Variants in LHFPL2 observed in about 807,000 individuals in gnomAD.
LHFPL2 encodes the protein LHFPL tetraspan subfamily member 2 protein.
In LHFPL2, 7 loss-of-function variants were observed where a neutral mutation model predicts 17.5. That is an observed-to-expected ratio of 0.40 (90% CI 0.23 to 0.75). The LOEUF (loss-of-function observed/expected upper bound fraction) is 0.75. Ranked by LOEUF, LHFPL2 falls within the 30% of genes least tolerant of loss-of-function variation. The pLI is 0.37. For missense variants in LHFPL2, 241 were observed against 294.8 expected (o/e 0.82, Z 1.34); for synonymous variants, 134 against 116.2 (o/e 1.15, Z -0.99).
chr5:78,515,620 T>C (rs1004476741), intron 3 of LHFPL2, among the ~76,000 whole-genome samples: 2 of 152,210 alleles, frequency 1.3e-5, no homozygotes, highest in African/African-American at 4.8e-5. Flanking sequence ...TGTTGCTTCT[T>C]AAAGTGTGGG....
intron 2 of LHFPL2, among the ~76,000 whole-genome samples, chr5:78,603,672 G>C (rs1744106857): frequency 7.3e-6 from 1 of 136,972 alleles, no homozygotes; most frequent in South Asian, 2.6e-4. Context: ...TTGAGCCCAA[G>C]AGTTCAAGAC....
intron 3 of LHFPL2, among the ~76,000 whole-genome samples, chr5:78,558,868 T>TC (rs960650091): frequency 6.6e-6 from 1 of 152,166 alleles, no homozygotes; most frequent in Admixed American, 6.5e-5. Context: ...TGACTTTTTT[T>TC]CCCACTGCTC....
intron 3 of LHFPL2, among the ~76,000 whole-genome samples, chr5:78,562,540 CAGA>C (rs1756755840): frequency 6.6e-6 from 1 of 150,772 alleles, no homozygotes; most frequent in African/African-American, 2.4e-5. Flanking sequence ...GAGGCTGAGG[CAGA>C]AGAACTACTT....
rs879911121 is a variant in LHFPL2 at position 78,648,662 on chromosome 5, A to AG, written c.-514dup. On this transcript the variant is annotated 5_prime_UTR_variant, in exon 1 of 5. Coordinates refer to ENST00000380345, the MANE Select transcript of LHFPL2 (RefSeq NM_005779.3). This position sits in a 1 kb window ranked among gnomAD's most constrained non-coding sequence, Gnocchi z 5.4. The stretch of plus-strand genomic sequence containing the variant: ...GGAGAGCGGGAGGAGGCGGCGGGAG[A>AG]GGGGGGCAACGCAAGGGAGGGGAGA... 2 of 149,666 alleles carry AG rather than the reference A, an allele frequency of 1.3e-5. No homozygotes were observed. Among genetic ancestry groups the AG allele is most frequent in the Non-Finnish European group, 3.0e-5 (2 of 67,480 alleles). 9.3% of individuals were successfully genotyped at this position (149,666 alleles called of 1,614,324 possible).
At chr5:78,594,275 G>A (rs1743751574) in intron 2 of LHFPL2, among the ~76,000 whole-genome samples, 1 of 152,198 alleles carries the variant, frequency 6.6e-6, no homozygotes, top group Admixed American at 6.5e-5. Context: ...ATTTTTAGGG[G>A]GAGAGGCAGC....
chr5:78,509,785 T>C lies in LHFPL2; in HGVS notation c.429A>G (p.Ala143=). Residue 143 remains alanine, a splice_region_variant and synonymous_variant, in exon 4 of 5, where the codon GCA becomes GCG. Transcript: ENST00000380345. ...GTGCCCGGGGTCCTGCCTTCTTACC[T>C]GCAATTCCTTGCAACAGCCCACAGA... ...FNVCGLLQGI[A]GLFLILGLIL... 1.2e-6 allele frequency: 2 copies of C among 1,608,748 alleles called. No homozygotes were observed. Among genetic ancestry groups the C allele is most frequent in the Non-Finnish European group, 1.7e-6 (2 of 1,175,570 alleles).
At chr5:78,631,600 GT>G (rs1745250163) in intron 2 of LHFPL2, among the ~76,000 whole-genome samples, 1 of 152,202 alleles carries the variant, frequency 6.6e-6, no homozygotes, top group Admixed American at 6.5e-5. Flanking sequence ...GCAAAAAAAG[GT>G]TACACTCTGA....
chr5:78,504,937 C>G (rs1754888046), intron 4 of LHFPL2, among the ~76,000 whole-genome samples: 1 of 152,214 alleles, frequency 6.6e-6, no homozygotes, highest in Non-Finnish European at 1.5e-5. Context: ...AGTGTGAGAG[C>G]CAGCCCAGCA....
intron 1 of LHFPL2, among the ~76,000 whole-genome samples, chr5:78,647,897 G>T (rs115831873): frequency 0.013 from 2,024 of 150,954 alleles, 46 homozygotes; most frequent in African/African-American, 0.046. Context: ...CCTTTGCCCA[G>T]CCCGTGGGCT....
intron 1 of LHFPL2, among the ~76,000 whole-genome samples, chr5:78,638,070 A>C (rs1745520080): frequency 6.6e-6 from 1 of 152,182 alleles, no homozygotes; most frequent in Admixed American, 6.5e-5. Context: ...AGGAGGCAAT[A>C]AGGGCCGGGC....
At chr5:78,574,486 C>T (rs1757079143) in intron 2 of LHFPL2, among the ~76,000 whole-genome samples, 1 of 152,240 alleles carries the variant, frequency 6.6e-6, no homozygotes, top group Non-Finnish European at 1.5e-5. Context: ...CTGACCCTGG[C>T]CTCACCATCT....
rs747829405 is a variant in LHFPL2 at position 78,509,997 on chromosome 5, C to T, written c.217G>A (p.Val73Met). ...IYARCIRNPG[V>M]QHFQRDTLCG... Reference sequence around the variant, plus strand: ...AGCGTGTCCCGCTGGAAGTGCTGCACCCCTGGGTTCCGGATGCAGCGGGCG... The same window carrying T: ...AGCGTGTCCCGCTGGAAGTGCTGCATCCCTGGGTTCCGGATGCAGCGGGCG... The change falls in exon 4 of 5, where the codon GTG (valine) becomes ATG (methionine). Residue 73 changes from valine to methionine, a missense_variant. Coordinates refer to ENST00000380345, the MANE Select transcript of LHFPL2 (RefSeq NM_005779.3). The T allele has an allele frequency of 1.2e-6, 2 of 1,613,360 alleles. No homozygotes were observed. The highest frequency in any genetic ancestry group is 1.7e-5 in the Admixed American group (1 of 59,934).
chr5:78,597,882 A>T (rs375891941), intron 2 of LHFPL2, among the ~76,000 whole-genome samples: 2 of 152,210 alleles, frequency 1.3e-5, no homozygotes, highest in African/African-American at 4.8e-5. Flanking sequence ...CTTGTTAGAA[A>T]ATACAGACAC....
At chr5:78,502,915 G>A (rs926206668) in intron 4 of LHFPL2, among the ~76,000 whole-genome samples, 1 of 151,814 alleles carries the variant, frequency 6.6e-6, no homozygotes, top group East Asian at 2.0e-4. Context: ...ACACGTATTT[G>A]TACTGATTCT....
chr5:78,646,212 G>A (rs1745873282), intron 1 of LHFPL2, among the ~76,000 whole-genome samples: 2 of 152,190 alleles, frequency 1.3e-5, no homozygotes, highest in South Asian at 4.1e-4. Flanking sequence ...TAATCAGAAT[G>A]AGCCAAAAGG....
intron 2 of LHFPL2, among the ~76,000 whole-genome samples, chr5:78,579,553 T>C (rs1014713047): frequency 8.6e-5 from 13 of 151,926 alleles, no homozygotes; most frequent in Non-Finnish European, 1.8e-4. Context: ...CCATGTGTTC[T>C]CATTGTTCAA....
intron 4 of LHFPL2, among the ~76,000 whole-genome samples, chr5:78,496,365 G>T (rs938590533): frequency 6.6e-6 from 1 of 152,240 alleles, no homozygotes; most frequent in Non-Finnish European, 1.5e-5. Flanking sequence ...ACTAGGTCAA[G>T]AGTTCATATT....
At chr5:78,555,812 A>T (rs1489311764) in intron 3 of LHFPL2, among the ~76,000 whole-genome samples, 1 of 152,252 alleles carries the variant, frequency 6.6e-6, no homozygotes, top group Non-Finnish European at 1.5e-5. Flanking sequence ...AGGGGACCAA[A>T]GATGACCCAG....
rs548531596 is a variant in LHFPL2 at position 78,575,547 on chromosome 5, CAAAAAAAG to C, written c.-244-10684_-244-10677del. Among the ~76,000 whole-genome samples, 44 of 151,224 alleles carry C rather than the reference CAAAAAAAG, an allele frequency of 2.9e-4. 1 individual carries two copies. The highest frequency in any genetic ancestry group is 1.0e-3 in the African/African-American group (42 of 41,236). ...CTGGTGACAGAGCGAGACTCCATCTCAAAAAAAGAAAAAAAGAAAAACCCACATGGCAA... is the reference window on the plus strand; with the variant it reads ...CTGGTGACAGAGCGAGACTCCATCTCAAAAAAAGAAAAACCCACATGGCAA... On this transcript the variant is annotated intron_variant, in intron 2 of 4. Transcript: ENST00000380345.
Sources: gnomAD v4.1 joint callset for allele counts (sites outside exome capture counted in the v4.1 genomes callset) on GRCh38, gnomAD v4.1.1 for gene constraint, Gnocchi (gnomAD v3.1) non-coding constraint, MANE v1.5 for transcripts, NCBI Gene and HGNC (gene_info 2026-07-23, HGNC 2026-07-21) for gene names.